ATP8A2: variants seen among roughly 807,000 people sequenced by gnomAD.
ATP8A2 encodes the protein phospholipid-transporting ATPase IB.
In ATP8A2, 100 loss-of-function variants were observed where a neutral mutation model predicts 165.6. That is an observed-to-expected ratio of 0.60 (90% CI 0.51 to 0.71). The LOEUF is 0.71. Among genes scored for constraint, ATP8A2 ranks in the 30% least tolerant of loss-of-function variants. The pLI, the probability that ATP8A2 is intolerant of heterozygous loss-of-function variation, is 0.00. For synonymous variants in ATP8A2, 543 were observed against 548.8 expected, an observed-to-expected ratio of 0.99 and a Z score of 0.15; for missense variants, 1,227 against 1,479.5, an observed-to-expected ratio of 0.83 and a Z score of 2.80.
chr13:25,860,936 G>A (rs1425103166), intron 32 of ATP8A2, 76 bp downstream of exon 32: 2 of 1,030,688 alleles, frequency 1.9e-6, no homozygotes, highest in Non-Finnish European at 3.0e-6. Context: ...AAGCCTTGGG[G>A]AAACCATAAG....
intron 1 of ATP8A2, among the ~76,000 whole-genome samples, chr13:25,386,996 C>CA (rs10677080): frequency 2.7e-4 from 39 of 145,840 alleles, no homozygotes; most frequent in African/African-American, 6.3e-4. Flanking sequence ...GACTCCATCT[C>CA]AAAAAAAACA....
chr13:25,540,814 C>G (rs2038450519), intron 8 of ATP8A2, among the ~76,000 whole-genome samples: 1 of 151,726 alleles, frequency 6.6e-6, no homozygotes, highest in South Asian at 2.1e-4. Context: ...TTAAAGAAAA[C>G]TATTCTTACC....
intron 1 of ATP8A2, among the ~76,000 whole-genome samples, chr13:25,396,099 C>T (rs576881328): frequency 4.6e-5 from 7 of 152,332 alleles, no homozygotes; most frequent in African/African-American, 1.7e-4. Context: ...GCCTTGGCCT[C>T]CCAAAGTGCT....
intron 33 of ATP8A2, among the ~76,000 whole-genome samples, chr13:25,875,295 A>G (rs1952794943): frequency 6.7e-6 from 1 of 149,472 alleles, no homozygotes; most frequent in South Asian, 2.1e-4. Context: ...GATTCATATC[A>G]GCTTCTCTCT....
intron 4 of ATP8A2, 78 bp from the exon 5 acceptor site, chr13:25,532,194 C>A: frequency 8.7e-7 from 1 of 1,152,702 alleles, no homozygotes; most frequent in Non-Finnish European, 1.3e-6. Flanking sequence ...CTGTAATTTC[C>A]TGATTGTTTT....
intron 33 of ATP8A2, among the ~76,000 whole-genome samples, chr13:25,922,116 A>G (rs916431787): frequency 6.6e-6 from 1 of 152,218 alleles, no homozygotes; most frequent in African/African-American, 2.4e-5. Context: ...AAGGACGTGG[A>G]ATTGTACCAC....
chr13:25,637,062 T>C (rs1443598539), intron 24 of ATP8A2, among the ~76,000 whole-genome samples: 1 of 123,936 alleles, frequency 8.1e-6, no homozygotes, highest in Non-Finnish European at 1.6e-5. Context: ...TATTGCACTC[T>C]GGCCTGGGTG....
intron 1 of ATP8A2, among the ~76,000 whole-genome samples, chr13:25,414,080 A>G (rs2034059631): frequency 6.6e-6 from 1 of 151,844 alleles, no homozygotes; most frequent in Admixed American, 6.6e-5. Flanking sequence ...TCACTCCCAG[A>G]TTAGGAAACC....
rs1337401662 is a variant in ATP8A2 at position 25,570,127 on chromosome 13, G to A, written c.1474-640G>A. On this transcript the variant is annotated intron_variant, in intron 16 of 36. Coordinates refer to ENST00000381655, the MANE Select transcript of ATP8A2 (RefSeq NM_016529.6). The stretch of plus-strand genomic sequence containing the variant: ...CAGGGCAATTCTGGTTTTCGTTGCT[G>A]TTCAATATTAATGAGCAAGGGATGC... Among the ~76,000 whole-genome samples the A allele has an allele frequency of 2.6e-5, 4 of 152,118 alleles. No homozygotes were observed. The East Asian group carries it at 5.8e-4, about 22-fold the overall frequency.
intron 24 of ATP8A2, among the ~76,000 whole-genome samples, chr13:25,691,787 G>T (rs2042730961): frequency 6.6e-6 from 1 of 152,224 alleles, no homozygotes; most frequent in Admixed American, 6.5e-5. Context: ...AAAGGTACAA[G>T]CTTTACTTGC....
intron 1 of ATP8A2, among the ~76,000 whole-genome samples, chr13:25,454,829 G>A (rs1364932881): frequency 6.6e-6 from 1 of 152,184 alleles, no homozygotes; most frequent in East Asian, 1.9e-4. Context: ...GGCTGAGGCA[G>A]GAGAATCGCT....
chr13:25,967,760 G>C (rs1344968162), intron 34 of ATP8A2, among the ~76,000 whole-genome samples: 1 of 151,908 alleles, frequency 6.6e-6, no homozygotes. Context: ...TTTCCAACTG[G>C]TAGCTCACTT....
At chr13:25,559,448 C>G (rs530890248) in intron 14 of ATP8A2, among the ~76,000 whole-genome samples, 1 of 152,296 alleles carries the variant, frequency 6.6e-6, no homozygotes, top group African/African-American at 2.4e-5. Flanking sequence ...AGGAGAATCG[C>G]TTGAACTTGG....
At chr13:25,977,409 A>C (rs1956076328) in intron 35 of ATP8A2, among the ~76,000 whole-genome samples, 1 of 152,128 alleles carries the variant, frequency 6.6e-6, no homozygotes, top group South Asian at 2.1e-4. Flanking sequence ...TAGTGGAACA[A>C]AGGGAGTGAA....
intron 35 of ATP8A2, among the ~76,000 whole-genome samples, chr13:25,993,644 T>C (rs1176492817): frequency 2.6e-5 from 4 of 152,216 alleles, no homozygotes; most frequent in Non-Finnish European, 5.9e-5. Flanking sequence ...TTGTCAAAAA[T>C]CAGATGGGTA....
intron 25 of ATP8A2, among the ~76,000 whole-genome samples, chr13:25,766,192 T>G (rs1000283450): frequency 2.6e-5 from 4 of 152,198 alleles, no homozygotes; most frequent in African/African-American, 7.2e-5. Context: ...TAAAGAGTGA[T>G]TAATATAATC....
intron 24 of ATP8A2, among the ~76,000 whole-genome samples, chr13:25,660,830 T>G (rs2137688620): frequency 6.6e-6 from 1 of 152,304 alleles, no homozygotes; most frequent in Admixed American, 6.5e-5. Context: ...ATGCTGCTAC[T>G]GGGGATCCCG....
intron 33 of ATP8A2, among the ~76,000 whole-genome samples, chr13:25,902,617 G>A (rs528775377): frequency 8.0e-5 from 12 of 149,834 alleles, no homozygotes; most frequent in Non-Finnish European, 1.2e-4. Flanking sequence ...TCCATTCTGC[G>A]TGTGTGTATG....
At chr13:25,864,119 T>A (rs1952434563) in intron 33 of ATP8A2, among the ~76,000 whole-genome samples, 1 of 152,240 alleles carries the variant, frequency 6.6e-6, no homozygotes, top group Non-Finnish European at 1.5e-5. Context: ...TGTGTTCTCT[T>A]CCTTCTGGTT....
Sources: allele counts gnomAD v4.1 joint callset (sites outside exome capture counted in the v4.1 genomes callset), GRCh38; gene constraint gnomAD v4.1.1; transcripts MANE v1.5; gene names NCBI Gene and HGNC (gene_info 2026-07-23, HGNC 2026-07-21).